Variants in CADPS2 observed in about 807,000 individuals in gnomAD.
The protein encoded by CADPS2 is calcium-dependent secretion activator 2.
CADPS2 carries 93 observed loss-of-function variants against 172.5 expected under a neutral mutation model. The observed-to-expected ratio is 0.54, with a 90% CI of 0.46 to 0.64. The LOEUF (loss-of-function observed/expected upper bound fraction) is 0.64. Ranked by LOEUF, CADPS2 falls within the 30% of genes least tolerant of loss-of-function variation. The pLI, the probability that CADPS2 is intolerant of heterozygous loss-of-function variation, is 0.00. For missense variants in CADPS2, 1,420 were observed against 1,565.9 expected, an observed-to-expected ratio of 0.91 and a Z score of 1.57; for synonymous variants, 546 against 555.2, an observed-to-expected ratio of 0.98 and a Z score of 0.23.
At chr7:122,882,557 C>T (rs1823196626) in intron 1 of CADPS2, among the ~76,000 whole-genome samples, 1 of 150,918 alleles carries the variant, frequency 6.6e-6, no homozygotes, top group Non-Finnish European at 1.5e-5. Flanking sequence ...TACTTAATCT[C>T]TTCTATGTTG....
chr7:122,698,760 C>A (rs2085557370), intron 2 of CADPS2: 1 of 1,613,818 alleles, frequency 6.2e-7, no homozygotes, highest in Non-Finnish European at 8.5e-7. Flanking sequence ...CCAACTCTGA[C>A]AACACATGAT....
At chr7:122,833,974 T>A (rs1400001614) in intron 1 of CADPS2, among the ~76,000 whole-genome samples, 2 of 152,128 alleles carry the variant, frequency 1.3e-5, no homozygotes, top group Non-Finnish European at 2.9e-5. Context: ...AGGTTTTAGA[T>A]GAGAAACAGA....
chr7:122,580,946 A>G (rs375050557), intron 7 of CADPS2, among the ~76,000 whole-genome samples: 1 of 152,158 alleles, frequency 6.6e-6, no homozygotes, highest in East Asian at 1.9e-4. Context: ...AGTTGGTGAC[A>G]AGGAATTTGT....
intron 20 of CADPS2, among the ~76,000 whole-genome samples, chr7:122,401,533 T>C (rs1376024946): frequency 6.6e-6 from 1 of 152,232 alleles, no homozygotes; most frequent in African/African-American, 2.4e-5. Context: ...AGAACAACTA[T>C]GGAAATAGTG....
intron 2 of CADPS2, among the ~76,000 whole-genome samples, chr7:122,704,902 C>G (rs2086742855): frequency 6.6e-6 from 1 of 152,002 alleles, no homozygotes; most frequent in African/African-American, 2.4e-5. Context: ...ACTAAAACAT[C>G]TGAAAATGCA....
chr7:122,638,033 T>C (rs892730355), intron 3 of CADPS2, among the ~76,000 whole-genome samples: 2 of 152,154 alleles, frequency 1.3e-5, no homozygotes, highest in Non-Finnish European at 2.9e-5. Context: ...CTCTGTTGTA[T>C]TTTGGCATAC....
At chr7:122,577,918 A>G (rs2068255533) in intron 7 of CADPS2, among the ~76,000 whole-genome samples, 1 of 151,902 alleles carries the variant, frequency 6.6e-6, no homozygotes, top group East Asian at 1.9e-4. Context: ...TCAAATTTAA[A>G]TGCTACCCGA....
chr7:122,842,249 C>T (rs1664004834), intron 1 of CADPS2, among the ~76,000 whole-genome samples: 1 of 152,198 alleles, frequency 6.6e-6, no homozygotes, highest in African/African-American at 2.4e-5. Context: ...AACTCGACTA[C>T]AGCCATCCAC....
intron 2 of CADPS2, among the ~76,000 whole-genome samples, chr7:122,712,531 T>C (rs2088913430): frequency 6.6e-6 from 1 of 152,144 alleles, no homozygotes; most frequent in Admixed American, 6.6e-5. Flanking sequence ...TAATGACTCT[T>C]TTGTGTACCC....
At chr7:122,622,090 T>TA (rs1045154433) in intron 4 of CADPS2, among the ~76,000 whole-genome samples, 1 of 152,136 alleles carries the variant, frequency 6.6e-6, no homozygotes, top group African/African-American at 2.4e-5. Flanking sequence ...AACTGGTCTA[T>TA]AAAAAAATGT....
At chr7:122,653,396 T>G (rs1380282384) in intron 3 of CADPS2, among the ~76,000 whole-genome samples, 1 of 152,206 alleles carries the variant, frequency 6.6e-6, no homozygotes. Flanking sequence ...CCATTGGCTT[T>G]AGATCCTACC....
At chr7:122,518,132 T>C (rs2060513090) in intron 8 of CADPS2, among the ~76,000 whole-genome samples, 1 of 152,008 alleles carries the variant, frequency 6.6e-6, no homozygotes, top group Non-Finnish European at 1.5e-5. Context: ...CCAGTATCTT[T>C]AATTACAGAA....
chr7:122,382,260 A>G (rs2043109537), intron 24 of CADPS2: 1 of 152,194 alleles, frequency 6.6e-6, no homozygotes, highest in Admixed American at 6.5e-5. Context: ...GAATGAAGGA[A>G]CAAGGATGAA....
intron 3 of CADPS2, among the ~76,000 whole-genome samples, chr7:122,633,895 T>C (rs923021461): frequency 2.0e-5 from 3 of 152,194 alleles, no homozygotes; most frequent in African/African-American, 7.2e-5. Context: ...GTTTTTATCA[T>C]AAAGGAAAAT....
intron 2 of CADPS2, chr7:122,698,917 A>C: frequency 1.3e-6 from 2 of 1,567,608 alleles, no homozygotes; most frequent in Non-Finnish European, 1.7e-6. Context: ...GAGTAGATGC[A>C]TCTCTCTCTT....
At chr7:122,734,294 G>A (rs999945199) in intron 2 of CADPS2, among the ~76,000 whole-genome samples, 4 of 128,220 alleles carry the variant, frequency 3.1e-5, no homozygotes, top group Non-Finnish European at 4.7e-5. Context: ...AGTGCCCACA[G>A]TACCTGACAT....
At chr7:122,489,916 T>C (rs1488072053) in intron 11 of CADPS2, among the ~76,000 whole-genome samples, 165 bp downstream of exon 11, 5 of 152,184 alleles carry the variant, frequency 3.3e-5, no homozygotes, top group African/African-American at 4.8e-5. Flanking sequence ...TCCAGATTTA[T>C]GTGAAAAATT....
chr7:122,489,150 C>T (rs2058082065), intron 11 of CADPS2, among the ~76,000 whole-genome samples: 1 of 152,066 alleles, frequency 6.6e-6, no homozygotes, highest in South Asian at 2.1e-4. Context: ...TGAGTATGGT[C>T]TGTGGTTTCT....
rs1012187363 is a variant in CADPS2, at chr7:122,809,516, G to A, written c.340-72448C>T. ...AATTGCTTGAACCCGGGAAGCAGAC[G>A]TTGCAGTGCGCTGAGATCGTGCCAT... On this transcript the variant is annotated intron_variant, in intron 1 of 29. Coordinates refer to ENST00000449022, the MANE Select transcript of CADPS2 (RefSeq NM_017954.11). Among the ~76,000 whole-genome samples, 11 of 151,166 alleles carry A rather than the reference G, an allele frequency of 7.3e-5. No individual in the cohort carries two copies. The East Asian group carries it at 7.8e-4, about 11-fold the overall frequency.
Sources: gnomAD v4.1 joint callset for allele counts (sites outside exome capture counted in the v4.1 genomes callset) on GRCh38, gnomAD v4.1.1 for gene constraint, MANE v1.5 for transcripts, NCBI Gene and HGNC (gene_info 2026-07-23, HGNC 2026-07-21) for gene names.